SLC6A2: variants seen among roughly 807,000 people sequenced by gnomAD.
SLC6A2 encodes the protein sodium-dependent noradrenaline transporter.
A neutral mutation model predicts 71.7 loss-of-function variants in SLC6A2; 26 were observed. That is an observed-to-expected ratio of 0.36 (90% confidence interval 0.27 to 0.50). The LOEUF is 0.50. Among genes scored for constraint, SLC6A2 ranks in the 20% least tolerant of loss-of-function variants. SLC6A2 has a pLI of 0.96. For missense variants in SLC6A2, 581 were observed against 803.9 expected (o/e 0.72, Z 3.35); for synonymous variants, 363 against 337.9 (o/e 1.07, Z -0.82).
intron 4 of SLC6A2, among the ~76,000 whole-genome samples, chr16:55,682,965 G>C (rs761198669): frequency 6.6e-6 from 1 of 152,182 alleles, no homozygotes; most frequent in East Asian, 1.9e-4. Flanking sequence ...GACGGTGCAC[G>C]AGCAGTTCCT....
intron 5 of SLC6A2, among the ~76,000 whole-genome samples, chr16:55,688,968 A>C (rs1965535379): frequency 6.6e-6 from 1 of 152,194 alleles, no homozygotes; most frequent in Admixed American, 6.5e-5. Flanking sequence ...GCAGGTATGG[A>C]TTTAAAGTGA....
chr16:55,691,544 G>A (rs1329033636), intron 5 of SLC6A2, among the ~76,000 whole-genome samples: 1 of 152,184 alleles, frequency 6.6e-6, no homozygotes, highest in African/African-American at 2.4e-5. Context: ...ATATGGGAAA[G>A]TTCTTCATTT....
At chr16:55,667,384 G>A (rs1228245514) in intron 2 of SLC6A2, among the ~76,000 whole-genome samples, 1 of 152,154 alleles carries the variant, frequency 6.6e-6, no homozygotes, top group African/African-American at 2.4e-5. Flanking sequence ...TCTGTAAAAG[G>A]GATTGTGGTA....
chr16:55,675,575 C>T, intron 4 of SLC6A2, among the ~76,000 whole-genome samples: 1 of 152,140 alleles, frequency 6.6e-6, no homozygotes, highest in Non-Finnish European at 1.5e-5. Flanking sequence ...GCAAGATTTC[C>T]CAATAAAACT....
At position 55,705,041 on chromosome 16, in the gene SLC6A2, C is replaced by T. The variant is rs765155605; in HGVS notation, c.*2695C>T. 5.4e-5 allele frequency: 28 copies of T among 517,978 alleles called. No individual in the cohort carries two copies. Among genetic ancestry groups the T allele is most frequent in the Non-Finnish European group, 8.5e-5 (25 of 295,080 alleles). The allele number at this position is 517,978 out of a possible 1,614,324, so 32.1% of individuals were successfully genotyped here. Reference sequence around the variant, plus strand: ...GTAGCTTGTTTTTAATAGCAGAGGTCACCCGGGACAAGGGTGCTGTGTACT... The same window carrying T: ...GTAGCTTGTTTTTAATAGCAGAGGTTACCCGGGACAAGGGTGCTGTGTACT... On this transcript the variant is annotated 3_prime_UTR_variant, in exon 15 of 15. Coordinates refer to ENST00000568943, the MANE Select transcript of SLC6A2 (RefSeq NM_001172501.3).
At chr16:55,699,506 T>C in intron 11 of SLC6A2, 48 bp from the exon 12 acceptor site, 1 of 1,470,846 alleles carries the variant, frequency 6.8e-7, no homozygotes, top group Non-Finnish European at 9.5e-7. Context: ...GACCTGGCCC[T>C]GGCTATCATG....
chr16:55,689,151 G>C (rs1723395915), intron 5 of SLC6A2, among the ~76,000 whole-genome samples: 2 of 152,288 alleles, frequency 1.3e-5, no homozygotes, highest in Middle Eastern at 6.8e-3. Context: ...AGATGACAGA[G>C]CCCAAGCCTT....
chr16:55,705,371 G>T lies in SLC6A2; in HGVS notation c.*3025G>T. The T allele has an allele frequency of 1.4e-6, 1 of 737,916 alleles. No individual in the cohort carries two copies. The highest frequency in any genetic ancestry group is 2.2e-6 in the Non-Finnish European group (1 of 455,174). 45.7% of individuals were successfully genotyped at this position (737,916 alleles called of 1,614,324 possible). On this transcript the variant is annotated 3_prime_UTR_variant, in exon 15 of 15. Coordinates refer to ENST00000568943, the MANE Select transcript of SLC6A2 (RefSeq NM_001172501.3). ...ATCTGTTTTCTAGCCTCGCTAATGT[G>T]AGACTGAAGCATTCTTACCAAAGAA...
rs548478636 is a variant in SLC6A2 at position 55,659,324 on chromosome 16, T to C, written c.274+2356T>C. Among the ~76,000 whole-genome samples, 15 of 152,328 alleles carry C rather than the reference T, an allele frequency of 9.8e-5. No individual in the cohort carries two copies. The South Asian group carries it at 2.9e-3, about 29-fold the overall frequency. The stretch of plus-strand genomic sequence containing the variant: ...CTAGATGGATATTCCAGGGCTTTCA[T>C]TGACACTGTGTGCTCTTTAGTCATT... On this transcript the variant is annotated intron_variant, in intron 2 of 14. Coordinates refer to ENST00000568943, the MANE Select transcript of SLC6A2 (RefSeq NM_001172501.3).
In SLC6A2 at chr16:55,705,944, C is replaced by T. The variant is rs576254886; in HGVS notation, c.*3598C>T. The T allele has an allele frequency of 6.6e-6, 1 of 152,326 alleles. No homozygotes were observed. The highest frequency in any genetic ancestry group is 1.9e-4 in the East Asian group (1 of 5,172). 9.4% of individuals were successfully genotyped at this position (152,326 alleles called of 1,614,324 possible). On this transcript the variant is annotated 3_prime_UTR_variant, in exon 15 of 15. Transcript: ENST00000568943. Reference sequence around the variant, plus strand: ...TTCATACCCTGTGAGTCCCAGGATCCACAGCTCTGCTGTGGTCTTAGAAGC... The same window carrying T: ...TTCATACCCTGTGAGTCCCAGGATCTACAGCTCTGCTGTGGTCTTAGAAGC...
chr16:55,687,016 G>C (rs532588445), intron 5 of SLC6A2, among the ~76,000 whole-genome samples: 1 of 152,324 alleles, frequency 6.6e-6, no homozygotes, highest in African/African-American at 2.4e-5. Flanking sequence ...AGTGATGCAA[G>C]AATAAGACAG....
chr16:55,682,561 TG>T (rs1293943282), intron 4 of SLC6A2, among the ~76,000 whole-genome samples: 1 of 152,250 alleles, frequency 6.6e-6, no homozygotes, highest in African/African-American at 2.4e-5. Context: ...CTGCCAGTTC[TG>T]GGCTTAGCAC....
At chr16:55,694,151 C>T (rs1171505119) in intron 7 of SLC6A2, 38 bp downstream of exon 7, 1 of 1,380,180 alleles carries the variant, frequency 7.2e-7, no homozygotes, top group African/African-American at 1.4e-5. Flanking sequence ...GCTCTAAATC[C>T]TGGGGATTGA....
rs80304396 is a variant in SLC6A2 at position 55,683,562 on chromosome 16, G to A, written c.645-1581G>A. On this transcript the variant is annotated intron_variant, in intron 4 of 14. Transcript: ENST00000568943. Reference sequence around the variant, plus strand: ...TGGGAGGCGGAGGTTGCAGTGAGCCGTCATCGCACCATTGCACTCCAGCCT... The same window carrying A: ...TGGGAGGCGGAGGTTGCAGTGAGCCATCATCGCACCATTGCACTCCAGCCT... 1.2e-3 allele frequency among the ~76,000 whole-genome samples: 189 copies of A among 152,128 alleles called. 1 individual carries two copies. The highest frequency in any genetic ancestry group is 1.7e-3 in the South Asian group (8 of 4,816).
At chr16:55,674,029 T>C (rs947240133) in intron 4 of SLC6A2, among the ~76,000 whole-genome samples, 2 of 152,234 alleles carry the variant, frequency 1.3e-5, no homozygotes, top group East Asian at 3.8e-4. Flanking sequence ...ATTATTATTA[T>C]TTATTTCAAC....
rs1438276632 is a variant in SLC6A2, at chr16:55,686,357, G to A, written c.783+1076G>A. ...TTGGGCTTCTCACAGCATGGCGGCT[G>A]AGTTCCAAGAACATGTCCCAAGCAG... On this transcript the variant is annotated intron_variant, in intron 5 of 14. Coordinates refer to ENST00000568943, the MANE Select transcript of SLC6A2 (RefSeq NM_001172501.3). Among the ~76,000 whole-genome samples, 4 of 152,164 alleles carry A rather than the reference G, an allele frequency of 2.6e-5. 1 individual carries two copies. Among genetic ancestry groups the A allele is most frequent in the Non-Finnish European group, 4.4e-5 (3 of 68,032 alleles).
chr16:55,687,294 A>C (rs1387851708), intron 5 of SLC6A2, among the ~76,000 whole-genome samples: 1 of 42,350 alleles, frequency 2.4e-5, no homozygotes, highest in African/African-American at 8.3e-5. Flanking sequence ...AGTTACAGCA[A>C]TCTCTAAGTT....
intron 5 of SLC6A2, among the ~76,000 whole-genome samples, chr16:55,690,050 C>T (rs1965568095): frequency 6.6e-6 from 1 of 152,198 alleles, no homozygotes; most frequent in Non-Finnish European, 1.5e-5. Flanking sequence ...CTTACCCACT[C>T]ATTCATCCAT....
intron 9 of SLC6A2, 68 bp from the exon 10 acceptor site, chr16:55,697,829 C>G (rs1597012776): frequency 3.8e-6 from 6 of 1,592,926 alleles, no homozygotes; most frequent in East Asian, 4.5e-5. Flanking sequence ...TCTAGGAACC[C>G]TGGGGCCTGA....
Sources: gnomAD v4.1 joint callset for allele counts (sites outside exome capture counted in the v4.1 genomes callset) on GRCh38, gnomAD v4.1.1 for gene constraint, MANE v1.5 for transcripts, NCBI Gene and HGNC (gene_info 2026-07-23, HGNC 2026-07-21) for gene names.